Variants in C4orf50 observed in about 807,000 individuals in gnomAD.
The protein encoded by C4orf50 is chromosome 4 open reading frame 50.
In C4orf50, 80 loss-of-function variants were observed where a neutral mutation model predicts 77.2. The ratio of observed to expected loss-of-function variants is 1.04; its 90% CI spans 0.87 to 1.25. C4orf50 has a LOEUF of 1.25. C4orf50 is among the 50% of genes most tolerant of loss of function. The pLI is 0.00. For missense variants in C4orf50, 1,257 were observed against 1,152.9 expected, an observed-to-expected ratio of 1.09 and a Z score of -1.31; for synonymous variants, 532 against 465.3, an observed-to-expected ratio of 1.14 and a Z score of -1.84.
chr4:5,982,323 C>T (rs1720634426), intron 28 of C4orf50, among the ~76,000 whole-genome samples: 1 of 152,148 alleles, frequency 6.6e-6, no homozygotes. Context: ...CCTGCTGTCC[C>T]ATGGGATCAC....
At chr4:5,991,210 C>A (rs1577975010) in intron 27 of C4orf50, among the ~76,000 whole-genome samples, 2 of 152,244 alleles carry the variant, frequency 1.3e-5, no homozygotes, top group Admixed American at 6.5e-5. Flanking sequence ...CTAACTCCCC[C>A]TATAGCCCTG....
chr4:5,923,134 G>C (rs1377244236), intron 7 of C4orf50: 1 of 153,936 alleles, frequency 6.5e-6, no homozygotes, highest in Non-Finnish European at 1.5e-5. Context: ...CATTTTGCAC[G>C]TGTAATTAAC....
intron 7 of C4orf50, among the ~76,000 whole-genome samples, chr4:5,941,821 C>T (rs1718280890): frequency 6.6e-6 from 1 of 152,118 alleles, no homozygotes; most frequent in African/African-American, 2.4e-5. Context: ...CAGGCCAAGG[C>T]TTTTTCCAAT....
intron 33 of C4orf50, among the ~76,000 whole-genome samples, chr4:5,961,906 C>T (rs1719297550): frequency 6.6e-6 from 1 of 152,168 alleles, no homozygotes. Context: ...TCCATGACCT[C>T]ATTTTCCTTG....
intron 28 of C4orf50, among the ~76,000 whole-genome samples, chr4:5,985,626 A>C (rs544860280): frequency 1.4e-4 from 21 of 152,124 alleles, no homozygotes; most frequent in Non-Finnish European, 2.6e-4. Flanking sequence ...GAAAGAAAGA[A>C]TAAAAGAAAA....
At position 5,970,642 on chromosome 4, in the gene C4orf50, C is replaced by T. The variant is rs1477345388; in HGVS notation, c.4104+3017G>A. Among the ~76,000 whole-genome samples, 1 of 152,196 alleles carries T rather than the reference C, an allele frequency of 6.6e-6. No homozygotes were observed. Among genetic ancestry groups the T allele is most frequent in the Non-Finnish European group, 1.5e-5 (1 of 68,028 alleles). On this transcript the variant is annotated intron_variant, in intron 31 of 33. Transcript: ENST00000531445. The surrounding 1 kb of genome is among the most constrained non-coding windows in gnomAD (Gnocchi z 4.3). ...CTGAGGCTCAATTTCCACCACGCAC[C>T]CAAACCAGGACAAGAAAAGAAAATG...
rs1721784614 is a variant in C4orf50 at position 6,000,429 on chromosome 4, G to T, written c.964-5953C>A. Among the ~76,000 whole-genome samples, 1 of 152,174 alleles carries T rather than the reference G, an allele frequency of 6.6e-6. No homozygotes were observed. The highest frequency in any genetic ancestry group is 2.4e-5 in the African/African-American group (1 of 41,444). On this transcript the variant is annotated intron_variant, in intron 25 of 33. Transcript: ENST00000531445. The surrounding 1 kb of genome is among the most constrained non-coding windows in gnomAD (Gnocchi z 6.0). ...TTCACATTTCCCAGTGGCCCTCTCAGGAGGAATTCTTCCTTTCCAGGCAGC... is the reference window on the plus strand; with the variant it reads ...TTCACATTTCCCAGTGGCCCTCTCATGAGGAATTCTTCCTTTCCAGGCAGC...
intron 25 of C4orf50, among the ~76,000 whole-genome samples, chr4:5,995,474 AACACACACACAC>A (rs55858229): frequency 3.1e-3 from 417 of 134,056 alleles, no homozygotes; most frequent in South Asian, 4.8e-3. Flanking sequence ...TGGGACTGGA[AACACACACACAC>A]ACACACACAC....
At chr4:5,933,077 G>C (rs550078784) in intron 7 of C4orf50, among the ~76,000 whole-genome samples, 14 of 152,162 alleles carry the variant, frequency 9.2e-5, no homozygotes, top group African/African-American at 3.4e-4. Context: ...CCCTGGACGG[G>C]AGCCTGGTGT....
rs186153206 is a variant in C4orf50, at chr4:5,927,426, C to T, written c.*2475-29238G>A. 2.3e-3 allele frequency among the ~76,000 whole-genome samples: 352 copies of T among 152,058 alleles called. 1 individual carries two copies. The highest frequency in any genetic ancestry group is 8.0e-3 in the African/African-American group (332 of 41,488). ...CTTTCTGTCTCTGCCCTCTGCTTGA[C>T]GACTCCTATCCAGTGATATGGCTTG... On this transcript the variant is annotated intron_variant, in intron 7 of 7. Transcript: ENST00000324058.
chr4:5,913,220 G>A (rs567224462), intron 7 of C4orf50, among the ~76,000 whole-genome samples: 40 of 152,184 alleles, frequency 2.6e-4, no homozygotes, highest in Non-Finnish European at 2.9e-4. Context: ...TTATGGGGCT[G>A]GTGTAAAGAA....
At chr4:5,913,374 A>G (rs183496143) in intron 7 of C4orf50, among the ~76,000 whole-genome samples, 313 of 152,252 alleles carry the variant, frequency 2.1e-3, no homozygotes, top group African/African-American at 7.2e-3. Context: ...CAGGCAGGCA[A>G]TGACTATTCT....
rs1044085228 is a variant in C4orf50 at position 5,901,195 on chromosome 4, A to G, written c.*2475-3007T>C. 3 of 152,250 alleles carry G rather than the reference A, an allele frequency of 2.0e-5. No individual in the cohort carries two copies. The highest frequency in any genetic ancestry group is 4.4e-5 in the Non-Finnish European group (3 of 68,044). 9.4% of individuals were successfully genotyped at this position (152,250 alleles called of 1,614,324 possible). ...GCCTTAGCCTGTGGACTTTCTTCCA[A>G]ATTGTCATATGACAGATCACCTTGT... On this transcript the variant is annotated intron_variant, in intron 7 of 7. Transcript: ENST00000324058. The surrounding 1 kb of genome is among the most constrained non-coding windows in gnomAD (Gnocchi z 4.4).
At chr4:5,917,979 G>A (rs543577677) in intron 7 of C4orf50, among the ~76,000 whole-genome samples, 23 of 152,158 alleles carry the variant, frequency 1.5e-4, no homozygotes, top group Non-Finnish European at 2.8e-4. Flanking sequence ...GGACTGGCCC[G>A]ACGCAAATGA....
chr4:5,967,494 GC>G (rs1434232578), intron 31 of C4orf50, 32 bp from the exon 10 acceptor site: 5 of 1,599,716 alleles, frequency 3.1e-6, no homozygotes, highest in Non-Finnish European at 4.3e-6. Context: ...CGGTTATTCT[GC>G]ATGGCACTGG....
chr4:5,975,139 CAAAAAAAAAAAAAAA>C lies in C4orf50; in HGVS notation c.3921+745_3921+759del, dbSNP rs763836859. ...TGGGCGACAGAGTGACACTCCATCT[CAAAAAAAAAAAAAAA>C]AAAAAAAAAAAAAAAAAAAAAAAAC... On this transcript the variant is annotated intron_variant, in intron 30 of 33. Transcript: ENST00000531445. Among the ~76,000 whole-genome samples, 223 of 82,782 alleles carry C rather than the reference CAAAAAAAAAAAAAAA, an allele frequency of 2.7e-3. 2 individuals are homozygous for C. Among genetic ancestry groups the C allele is most frequent in the African/African-American group, 5.8e-3 (142 of 24,448 alleles). 54.3% of individuals were successfully genotyped at this position (82,782 alleles called of 152,430 possible).
rs184488779 is a variant in C4orf50 at position 5,900,114 on chromosome 4, G to C, written c.*2475-1926C>G. On this transcript the variant is annotated intron_variant, in intron 7 of 7. Coordinates refer to the C4orf50 transcript ENST00000324058. This position sits in a 1 kb window ranked among gnomAD's most constrained non-coding sequence, Gnocchi z 4.3. ...AGTTCTCAGAAGGTTTCACGTTTCA[G>C]ACCTAGAATTTCACCCTGGAACCAA... is the stretch of plus-strand genomic sequence containing the variant. The C allele has an allele frequency of 7.2e-5, 11 of 152,262 alleles. No individual in the cohort carries two copies. The highest frequency in any genetic ancestry group is 3.9e-4 in the Admixed American group (6 of 15,296). 9.4% of individuals were successfully genotyped at this position (152,262 alleles called of 1,614,324 possible). A position where few individuals can be genotyped will look rare whatever the true frequency, so the allele number is the denominator to read the frequency against.
intron 33 of C4orf50, 87 bp downstream of exon 11, chr4:5,964,937 C>A (rs911425178): frequency 7.9e-5 from 103 of 1,295,802 alleles, no homozygotes; most frequent in East Asian, 3.6e-4. Context: ...GGGTGTATAT[C>A]GCTTGGATAA....
At chr4:5,971,700 C>T (rs1177453879) in intron 31 of C4orf50, among the ~76,000 whole-genome samples, 1 of 152,176 alleles carries the variant, frequency 6.6e-6, no homozygotes, top group African/African-American at 2.4e-5. Flanking sequence ...GGAGAGAATA[C>T]GCTGACAATT....
Sources: gnomAD v4.1 joint callset for allele counts (sites outside exome capture counted in the v4.1 genomes callset) on GRCh38, gnomAD v4.1.1 for gene constraint, Gnocchi (gnomAD v3.1) non-coding constraint, MANE v1.5 for transcripts, NCBI Gene and HGNC (gene_info 2026-07-23, HGNC 2026-07-21) for gene names.